Variants in RHPN2 observed in about 807,000 individuals in gnomAD.
The protein encoded by RHPN2 is rhophilin Rho GTPase binding protein 2.
RHPN2 carries 40 observed loss-of-function variants against 79.0 expected under a neutral mutation model. That is an observed-to-expected ratio of 0.51 (90% confidence interval 0.39 to 0.66). The LOEUF (loss-of-function observed/expected upper bound fraction) is 0.66. RHPN2 is among the 30% of genes least tolerant of loss of function. RHPN2 has a pLI of 0.00. For synonymous variants in RHPN2, 285 were observed against 363.5 expected, an observed-to-expected ratio of 0.78 and a Z score of 2.46; for missense variants, 686 against 883.5, an observed-to-expected ratio of 0.78 and a Z score of 2.83.
chr19:33,000,492 C>T (rs1321299945), intron 9 of RHPN2, among the ~76,000 whole-genome samples: 1 of 152,046 alleles, frequency 6.6e-6, no homozygotes, highest in African/African-American at 2.4e-5. Context: ...GGATTATAGG[C>T]GTGAGCCACC....
At chr19:33,012,770 C>T (rs1197874360) in intron 4 of RHPN2, 46 bp from the exon 5 acceptor site, 1 of 1,022,660 alleles carries the variant, frequency 9.8e-7, no homozygotes, top group Admixed American at 1.7e-5. Context: ...GGCTGAAAAC[C>T]ATATGTGTGC....
In RHPN2 at chr19:33,062,208, C is replaced by A. The variant is rs1036526013; in HGVS notation, c.69+2576G>T. On this transcript the variant is annotated intron_variant, in intron 1 of 14. Transcript: ENST00000254260. ...CACCAGAGAAACTGCATCTAAAAAA[C>A]ACCCCACTTTAGGAGGCCGAGGTGG... 3.3e-5 allele frequency among the ~76,000 whole-genome samples: 5 copies of A among 152,274 alleles called. No homozygotes were observed. In the East Asian group the frequency reaches 9.6e-4, roughly 29 times the overall value.
chr19:32,989,040 C>T (rs186535530), intron 14 of RHPN2, among the ~76,000 whole-genome samples: 2 of 152,190 alleles, frequency 1.3e-5, no homozygotes, highest in Non-Finnish European at 2.9e-5. Flanking sequence ...GTCGAGGGTA[C>T]ATCATTAAGT....
intron 3 of RHPN2, among the ~76,000 whole-genome samples, chr19:33,022,362 GC>G (rs1971931785): frequency 6.6e-6 from 1 of 152,096 alleles, no homozygotes; most frequent in Non-Finnish European, 1.5e-5. Flanking sequence ...TCCTTTGTCA[GC>G]TCCTCACCCC....
At chr19:32,990,029 C>T (rs953619223) in intron 14 of RHPN2, among the ~76,000 whole-genome samples, 8 of 151,746 alleles carry the variant, frequency 5.3e-5, no homozygotes, top group Admixed American at 4.6e-4. Context: ...GGTGTGAACC[C>T]GGAAGGCAGA....
intron 1 of RHPN2, among the ~76,000 whole-genome samples, chr19:33,047,384 A>G (rs1230489165): frequency 1.3e-5 from 2 of 152,128 alleles, no homozygotes; most frequent in Non-Finnish European, 2.9e-5. Context: ...GGGTATTTGG[A>G]TTACAACGCT....
Position 32,982,496 on chromosome 19 carries a change from C to T in RHPN2, c.1801-2240G>A, listed in dbSNP as rs528073791. On this transcript the variant is annotated intron_variant, in intron 14 of 14. Transcript: ENST00000254260. Reference sequence around the variant, plus strand: ...CAATAAAGTAGGGGGTACTTCGAGCCCCTAAGGATGGAGATGCCTCTTCCT... The same window carrying T: ...CAATAAAGTAGGGGGTACTTCGAGCTCCTAAGGATGGAGATGCCTCTTCCT... Among the ~76,000 whole-genome samples, 5 of 152,150 alleles carry T rather than the reference C, an allele frequency of 3.3e-5. No individual in the cohort carries two copies. The East Asian group carries it at 9.7e-4, about 29-fold the overall frequency.
At chr19:33,022,628 C>T (rs1325266350) in intron 3 of RHPN2, among the ~76,000 whole-genome samples, 1 of 152,194 alleles carries the variant, frequency 6.6e-6, no homozygotes, top group Non-Finnish European at 1.5e-5. Context: ...CTGGGGAGTG[C>T]TCCCTGAGCC....
At chr19:33,002,530 G>A (rs1971758118) in intron 8 of RHPN2, 127 bp from the exon 9 acceptor site, 4 of 1,175,264 alleles carry the variant, frequency 3.4e-6, no homozygotes, top group Non-Finnish European at 5.0e-6. Context: ...CAGAATCTGG[G>A]AGCAACTCCA....
chr19:33,036,878 G>GGGCCCCCCCCCCCC (rs1972061925), intron 2 of RHPN2, among the ~76,000 whole-genome samples: 1 of 148,558 alleles, frequency 6.7e-6, no homozygotes, highest in African/African-American at 2.6e-5. Flanking sequence ...GAGCCCCCCC[G>GGGCCCCCCCCCCCC]CCACCCTCTG....
At chr19:33,057,143 G>C (rs1431050297) in intron 1 of RHPN2, among the ~76,000 whole-genome samples, 2 of 136,584 alleles carry the variant, frequency 1.5e-5, no homozygotes, top group South Asian at 5.1e-4. Flanking sequence ...AAAAGAGTTC[G>C]AGGCCAGCCC....
chr19:32,985,164 G>C (rs1316682448), intron 14 of RHPN2, among the ~76,000 whole-genome samples: 2 of 151,936 alleles, frequency 1.3e-5, no homozygotes, highest in Non-Finnish European at 2.9e-5. Flanking sequence ...ACCACGCCCA[G>C]GGTTTTGCCA....
At chr19:33,051,151 C>T (rs1972183239) in intron 1 of RHPN2, among the ~76,000 whole-genome samples, 1 of 152,098 alleles carries the variant, frequency 6.6e-6, no homozygotes, top group South Asian at 2.1e-4. Flanking sequence ...ACCACCATGC[C>T]CGGCTAATTT....
At chr19:33,056,116 CTT>C (rs748275930) in intron 1 of RHPN2, among the ~76,000 whole-genome samples, 9 of 134,330 alleles carry the variant, frequency 6.7e-5, no homozygotes, top group Admixed American at 7.5e-5. Flanking sequence ...TTCTTTTTTC[CTT>C]TTTTTTTTTT....
intron 14 of RHPN2, among the ~76,000 whole-genome samples, chr19:32,989,391 G>A (rs1256154393): frequency 1.3e-5 from 2 of 152,156 alleles, no homozygotes; most frequent in African/African-American, 4.8e-5. Context: ...TTACAGGCAT[G>A]AGCACCGTGC....
intron 4 of RHPN2, among the ~76,000 whole-genome samples, chr19:33,013,494 G>A (rs1199471840): frequency 1.3e-5 from 2 of 151,856 alleles, no homozygotes; most frequent in African/African-American, 4.8e-5. Context: ...TGCAACACAC[G>A]CCTATGTTTT....
At chr19:33,022,403 A>G (rs1971932298) in intron 3 of RHPN2, among the ~76,000 whole-genome samples, 1 of 150,736 alleles carries the variant, frequency 6.6e-6, no homozygotes, top group South Asian at 2.1e-4. Context: ...AGCGGGCCCC[A>G]CAGCTGTGGA....
Position 32,995,481 on chromosome 19 carries a change from C to T in RHPN2, c.1420+545G>A, listed in dbSNP as rs1297887354. Among the ~76,000 whole-genome samples the T allele has an allele frequency of 6.6e-5, 10 of 152,214 alleles. No individual in the cohort carries two copies. The East Asian group carries it at 1.9e-3, about 29-fold the overall frequency. ...CCCACCAGCATCTTCACAGCAGGCT[C>T]GGACTACCCTTAACATAAGGCTGGT... On this transcript the variant is annotated intron_variant, in intron 11 of 14. Coordinates refer to ENST00000254260, the MANE Select transcript of RHPN2 (RefSeq NM_033103.5).
chr19:33,042,775 T>C (rs1452910890), intron 2 of RHPN2, among the ~76,000 whole-genome samples: 1 of 151,988 alleles, frequency 6.6e-6, no homozygotes, highest in Non-Finnish European at 1.5e-5. Context: ...CTACAAATAA[T>C]TTTTAAAAAA....
Sources: allele counts gnomAD v4.1 joint callset (sites outside exome capture counted in the v4.1 genomes callset), GRCh38; gene constraint gnomAD v4.1.1; transcripts MANE v1.5; gene names NCBI Gene and HGNC (gene_info 2026-07-23, HGNC 2026-07-21).